IQSEC2: variants seen among roughly 807,000 people sequenced by gnomAD.
IQSEC2 encodes the protein IQ motif and SEC7 domain-containing protein 2.
A neutral mutation model predicts 74.6 loss-of-function variants in IQSEC2; 6 were observed. That is an observed-to-expected ratio of 0.08 (90% CI 0.04 to 0.16). The LOEUF (loss-of-function observed/expected upper bound fraction) is 0.16, where lower values mean the gene tolerates loss of function less well. Among genes scored for constraint, IQSEC2 ranks in the 10% least tolerant of loss-of-function variants. The pLI is 1.00. For missense variants in IQSEC2, 734 were observed against 1,306.2 expected, an observed-to-expected ratio of 0.56 and a Z score of 6.75; for synonymous variants, 494 against 544.5, an observed-to-expected ratio of 0.91 and a Z score of 1.29.
At chrX:53,239,119 A>T (rs1471788581) in intron 11 of IQSEC2, 76 bp downstream of exon 11, 17 of 789,740 alleles carry the variant, frequency 2.2e-5, no homozygotes, top group Non-Finnish European at 3.1e-5. Flanking sequence ...CGAAAACTGG[A>T]GCTGGTATAG....
intron 1 of IQSEC2, among the ~76,000 whole-genome samples, chrX:53,300,261 C>T (rs2075198660): frequency 9.0e-6 from 1 of 111,455 alleles, no homozygotes; most frequent in Non-Finnish European, 1.9e-5. Flanking sequence ...TTTGGGAAAG[C>T]AACAGAGAGA....
At chrX:53,242,253 G>A (rs2074235209) in intron 9 of IQSEC2, among the ~76,000 whole-genome samples, 1 of 108,871 alleles carries the variant, frequency 9.2e-6, no homozygotes, top group African/African-American at 3.4e-5. Flanking sequence ...GGCCAACATG[G>A]TGAAACCCCG....
chrX:53,262,256 G>A (rs1446647222), intron 2 of IQSEC2, among the ~76,000 whole-genome samples: 2 of 112,363 alleles, frequency 1.8e-5, no homozygotes, highest in African/African-American at 6.5e-5. Flanking sequence ...CCATGGCAGG[G>A]GCACTAATCC....
Position 53,321,091 on chromosome X carries a change from C to G in IQSEC2, c.33G>C (p.Pro11=). The change falls in exon 1 of 15, where the codon CCG becomes CCC. Residue 11 remains proline, a synonymous_variant. Transcript: ENST00000642864. ...CGGCCCGATTTGGGCTCTCGGATCC[C>G]GGGCCGCCCGGGGGCCCCGACCCCG... MEAGSGPPGG[P]GSESPNRAVE... The G allele has an allele frequency of 8.7e-7, 1 of 1,152,159 alleles. No individual in the cohort carries two copies. Among genetic ancestry groups the G allele is most frequent in the Non-Finnish European group, 1.1e-6 (1 of 870,090 alleles). The allele number at this position is 1,152,159 out of a possible 1,213,427, so 95.0% of individuals were successfully genotyped here.
intron 2 of IQSEC2, chrX:53,266,552 T>C: frequency 7.8e-6 from 6 of 764,807 alleles, no homozygotes; most frequent in Non-Finnish European, 9.3e-6. Flanking sequence ...CTCTGAGCCC[T>C]AGGCACCCTG....
In IQSEC2 at chrX:53,243,449, G is replaced by T. The variant is rs782709813; in HGVS notation, c.2772C>A (p.Ile924=). The change falls in exon 9 of 15, where the codon ATC becomes ATA. Residue 924 remains isoleucine, a synonymous_variant. Transcript: ENST00000642864. The stretch of plus-strand genomic sequence containing the variant: ...AGATGCCCACCAGGAGGTCTCGGGG[G>T]ATGTCTTCACCATTGTCAACCCCTG... ...NLRGVDNGED[I]PRDLLVGIYQ... 7.6e-6 allele frequency: 9 copies of T among 1,178,191 alleles called. No individual in the cohort carries two copies. The highest frequency in any genetic ancestry group is 1.0e-5 in the Non-Finnish European group (9 of 877,864).
At chrX:53,267,137 G>A (rs1213223134) in intron 2 of IQSEC2, 3 of 1,094,224 alleles carry the variant, frequency 2.7e-6, no homozygotes, top group Non-Finnish European at 3.6e-6. Flanking sequence ...TTAGTTTGCA[G>A]AGCAGGGGAG....
In IQSEC2 at chrX:53,254,650, T is replaced by A; in HGVS notation, c.1281A>T (p.Glu427Asp). The change falls in exon 4 of 15, where the codon GAA becomes GAT. Residue 427 changes from glutamate (E) to aspartate (D), a missense_variant. By Grantham distance (45) the Glu-to-Asp change is conservative. This residue lies in a region of IQSEC2 where 204 missense variants were observed against 305.4 expected (regional missense o/e 0.67). Transcript: ENST00000642864. ...AMAGARSHRL[E>D]RGLPYGGSCG... Reference sequence around the variant, plus strand: ...AGGAGCCTCCATATGGGAGCCCCCGTTCAAGCCGGTGGCTCCGGGCACCAG... The same window carrying A: ...AGGAGCCTCCATATGGGAGCCCCCGATCAAGCCGGTGGCTCCGGGCACCAG... 1 of 1,208,777 alleles carries A rather than the reference T, an allele frequency of 8.3e-7. No homozygotes were observed. The highest frequency in any genetic ancestry group is 1.1e-6 in the Non-Finnish European group (1 of 893,801).
intron 2 of IQSEC2, among the ~76,000 whole-genome samples, chrX:53,282,173 T>C (rs1426716879): frequency 8.9e-6 from 1 of 112,811 alleles, no homozygotes; most frequent in East Asian, 2.8e-4. Flanking sequence ...TGTTGTTTTC[T>C]AGACTGGCTG....
chrX:53,264,271 T>C (rs2074617871), intron 2 of IQSEC2, among the ~76,000 whole-genome samples: 1 of 111,706 alleles, frequency 9.0e-6, no homozygotes, highest in Admixed American at 9.4e-5. Context: ...AAGACATGTG[T>C]GAGGATGGCC....
At chrX:53,243,593 C>G in intron 8 of IQSEC2, 122 bp from the exon 9 acceptor site, 28 of 970,902 alleles carry the variant, frequency 2.9e-5, no homozygotes, top group Non-Finnish European at 3.7e-5. Flanking sequence ...TCAATGGGTA[C>G]CCTCGGCCCC....
chrX:53,250,845 C>T lies in IQSEC2; in HGVS notation c.1731G>A (p.Gly577=). 1.1e-5 allele frequency: 13 copies of T among 1,209,502 alleles called. No individual in the cohort carries two copies. The highest frequency in any genetic ancestry group is 1.5e-5 in the Non-Finnish European group (13 of 893,981). ...SREEGTRRGP[G]CLECRDFRLR... ...GCCGGAAATCCCGGCACTCCAAGCA[C>T]CCGGGACCCCTGCGAGTGCCTTCCT... is the stretch of plus-strand genomic sequence containing the variant. The change falls in exon 5 of 15, where the codon GGG becomes GGA. Residue 577 remains glycine, a synonymous_variant. Coordinates refer to ENST00000642864, the MANE Select transcript of IQSEC2 (RefSeq NM_001111125.3).
At chrX:53,254,057 A>G (rs2074428981) in intron 4 of IQSEC2, among the ~76,000 whole-genome samples, 1 of 112,139 alleles carries the variant, frequency 8.9e-6, no homozygotes, top group Admixed American at 9.4e-5. Flanking sequence ...CTGGCCGGGC[A>G]CAGTGGCTCA....
intron 2 of IQSEC2, among the ~76,000 whole-genome samples, chrX:53,257,257 G>T (rs1016348157): frequency 8.9e-6 from 1 of 112,296 alleles, no homozygotes; most frequent in Non-Finnish European, 1.9e-5. Context: ...GTACTGGGGG[G>T]GACCCTACCA....
At chrX:53,272,002 G>A (rs1265039215) in intron 2 of IQSEC2, among the ~76,000 whole-genome samples, 1 of 111,314 alleles carries the variant, frequency 9.0e-6, no homozygotes, top group Non-Finnish European at 1.9e-5. Context: ...TGCACCCCAG[G>A]TTAGGAACTT....
chrX:53,234,567 A>G lies in IQSEC2; in HGVS notation c.4119T>C (p.Pro1373=), dbSNP rs1602256870. The change falls in exon 15 of 15, where the codon CCT becomes CCC. Residue 1373 remains proline, a synonymous_variant. Transcript: ENST00000642864. ...TGTGGGCTGGAGGGTGCTGGGGGGC[A>G]GGACTGTACAGGGGCAGTGGGGATG... ...QPTSPLPLYS[P]APQHPPAHKQ... is the part of the protein sequence containing the mutation. 2.7e-6 allele frequency: 3 copies of G among 1,110,053 alleles called. No individual in the cohort carries two copies. The highest frequency in any genetic ancestry group is 3.7e-5 in the African/African-American group (2 of 53,760). The allele number at this position is 1,110,053 out of a possible 1,213,427, so 91.5% of individuals were successfully genotyped here.
At chrX:53,242,032 G>A (rs960050293) in intron 9 of IQSEC2, 123 bp from the exon 10 acceptor site, 1 of 858,698 alleles carries the variant, frequency 1.2e-6, no homozygotes, top group African/African-American at 2.0e-5. Context: ...CTGACACAAG[G>A]GGTATCAGCA....
intron 8 of IQSEC2, among the ~76,000 whole-genome samples, chrX:53,245,780 CT>C (rs1175777560): frequency 9.0e-6 from 1 of 110,750 alleles, no homozygotes; most frequent in Non-Finnish European, 1.9e-5. Flanking sequence ...ATTCAAGGCC[CT>C]CATATATTGG....
In IQSEC2 at chrX:53,321,092, G is replaced by T; in HGVS notation, c.32C>A (p.Pro11Gln). The T allele has an allele frequency of 8.7e-7, 1 of 1,150,564 alleles. No homozygotes were observed. Among genetic ancestry groups the T allele is most frequent in the Non-Finnish European group, 1.2e-6 (1 of 868,975 alleles). 94.8% of individuals were successfully genotyped at this position (1,150,564 alleles called of 1,213,427 possible). A position where few individuals can be genotyped will look rare whatever the true frequency, so the allele number is the denominator to read the frequency against. MEAGSGPPGGPGSESPNRAVE... is the reference protein window; with the variant it reads MEAGSGPPGGQGSESPNRAVE... ...GGCCCGATTTGGGCTCTCGGATCCC[G>T]GGCCGCCCGGGGGCCCCGACCCCGC... Residue 11 changes from proline to glutamine, a missense_variant, in exon 1 of 15, where the codon CCG (proline) becomes CAG (glutamine). Physicochemically the swap from Pro to Gln is moderately conservative, Grantham distance 76 (BLOSUM62 -1). Around this residue, in one of 12 missense-constraint regions of IQSEC2, gnomAD observed 134 missense variants for 214.9 expected, o/e 0.62. Transcript: ENST00000642864.
Sources: allele counts gnomAD v4.1 joint callset (sites outside exome capture counted in the v4.1 genomes callset), GRCh38; gene constraint gnomAD v4.1.1; regional missense constraint gnomAD v4.1.1; transcripts MANE v1.5; gene names NCBI Gene and HGNC (gene_info 2026-07-23, HGNC 2026-07-21).